CELF2: variants seen among roughly 807,000 people sequenced by gnomAD.
CELF2 encodes CUGBP Elav-like family member 2.
CELF2 carries 8 observed loss-of-function variants against 62.6 expected under a neutral mutation model. The ratio of observed to expected loss-of-function variants is 0.13; its 90% CI spans 0.07 to 0.23. CELF2 has a LOEUF of 0.23. CELF2 is among the 10% of genes least tolerant of loss of function. The pLI is 1.00. For synonymous variants in CELF2, 258 were observed against 250.0 expected, an observed-to-expected ratio of 1.03 and a Z score of -0.30; for missense variants, 333 against 671.0, an observed-to-expected ratio of 0.50 and a Z score of 5.56.
At chr10:10,988,632 C>T (rs540643321) in intron 2 of CELF2, among the ~76,000 whole-genome samples, 2 of 151,840 alleles carry the variant, frequency 1.3e-5, no homozygotes, top group African/African-American at 2.4e-5. Flanking sequence ...TCCAAGTAAC[C>T]AAAAACCATC....
At chr10:10,482,615 A>C in the CELF2 span, among the ~76,000 whole-genome samples, 1 of 152,182 alleles carries the variant, frequency 6.6e-6, no homozygotes, top group Non-Finnish European at 1.5e-5. Flanking sequence ...CAGTGTATTG[A>C]TTATGCTTTT....
At chr10:10,575,335 A>G in the CELF2 span, among the ~76,000 whole-genome samples, 970 of 152,284 alleles carry the variant, frequency 6.4e-3, 3 homozygotes, top group Non-Finnish European at 0.01. Context: ...TTTAGGTTAT[A>G]CCTGTTTTCC....
the CELF2 span, among the ~76,000 whole-genome samples, chr10:10,790,492 A>T: frequency 7.0e-3 from 1,068 of 152,316 alleles, 9 homozygotes; most frequent in African/African-American, 0.018. Flanking sequence ...ATAGAGTATA[A>T]TACATGATAC....
the CELF2 span, among the ~76,000 whole-genome samples, chr10:10,477,399 G>C: frequency 7.6e-4 from 116 of 152,246 alleles, no homozygotes; most frequent in African/African-American, 2.6e-3. Flanking sequence ...AAATACAATG[G>C]GTGGGCCTAG....
At chr10:10,882,519 C>T (rs1329817370) in intron 1 of CELF2, among the ~76,000 whole-genome samples, 4 of 152,206 alleles carry the variant, frequency 2.6e-5, no homozygotes, top group African/African-American at 4.8e-5. Context: ...AAAATGTGTC[C>T]TGTCTTTCTC....
chr10:10,653,722 G>T, the CELF2 span, among the ~76,000 whole-genome samples: 19 of 147,940 alleles, frequency 1.3e-4, 1 homozygote, highest in East Asian at 1.7e-3. Flanking sequence ...AAAGCAGTGT[G>T]TAGAGGGAAA....
chr10:11,162,246 G>A (rs544113077), intron 1 of CELF2, among the ~76,000 whole-genome samples: 19 of 152,250 alleles, frequency 1.2e-4, no homozygotes, highest in African/African-American at 4.1e-4. Flanking sequence ...TTTTGGCAGC[G>A]CCAGGAGAGT....
intron 2 of CELF2, among the ~76,000 whole-genome samples, chr10:10,981,432 T>C (rs1186131974): frequency 2.6e-5 from 4 of 152,180 alleles, no homozygotes; most frequent in African/African-American, 9.7e-5. Context: ...AGATTCAAGG[T>C]TGAAGAATCC....
upstream of CELF2, among the ~76,000 whole-genome samples, chr10:11,004,681 G>A (rs1267426400): frequency 2.0e-5 from 3 of 152,078 alleles, no homozygotes; most frequent in African/African-American, 7.2e-5. This position sits in a 1 kb window ranked among gnomAD's most constrained non-coding sequence, Gnocchi z 5.0. Context: ...CCCTCCTCCA[G>A]GTGAATGACG....
the CELF2 span, among the ~76,000 whole-genome samples, chr10:10,712,041 G>A: frequency 7.6e-5 from 11 of 145,612 alleles, no homozygotes; most frequent in Non-Finnish European, 1.6e-4. Context: ...CCTGTTTATA[G>A]AATAGTTTGG....
the CELF2 span, among the ~76,000 whole-genome samples, chr10:10,583,934 T>G: frequency 6.6e-6 from 1 of 152,244 alleles, no homozygotes; most frequent in Middle Eastern, 3.4e-3. Context: ...AGCACTAGGT[T>G]GGAAAGGTGT....
At position 11,321,409 on chromosome 10, in the gene CELF2, G is replaced by C; in HGVS notation, c.1294+23G>C. 1 of 1,595,724 alleles carries C rather than the reference G, an allele frequency of 6.3e-7. No individual in the cohort carries two copies. Among genetic ancestry groups the C allele is most frequent in the Non-Finnish European group, 8.5e-7 (1 of 1,176,090 alleles). On this transcript the variant is annotated intron_variant, in intron 11 of 12. Coordinates refer to ENST00000633077, the MANE Select transcript of CELF2 (RefSeq NM_001326342.2). This position sits in a 1 kb window ranked among gnomAD's most constrained non-coding sequence, Gnocchi z 6.2. ...AAGGTAGGTGCCGCCCTTGGCCCCAGGCAGGGCCCAGCCCAACAGGCAGCA... is the reference window on the plus strand; with the variant it reads ...AAGGTAGGTGCCGCCCTTGGCCCCACGCAGGGCCCAGCCCAACAGGCAGCA...
At chr10:10,908,931 C>T (rs1210918723) in intron 1 of CELF2, among the ~76,000 whole-genome samples, 1 of 152,150 alleles carries the variant, frequency 6.6e-6, no homozygotes, top group African/African-American at 2.4e-5. Flanking sequence ...GAACTACAGG[C>T]ATGTGCCACC....
intron 3 of CELF2, among the ~76,000 whole-genome samples, chr10:11,226,600 C>CCACACACACACACACACA (rs59521803): frequency 3.9e-5 from 1 of 25,892 alleles, no homozygotes; most frequent in Admixed American, 6.2e-4. Context: ...CAGGCAGTGG[C>CCACACACACACACACACA]CACACACACA....
At chr10:10,575,944 T>C in the CELF2 span, among the ~76,000 whole-genome samples, 1 of 152,208 alleles carries the variant, frequency 6.6e-6, no homozygotes, top group South Asian at 2.1e-4. Flanking sequence ...ATCTCTGGAT[T>C]CGGAGGAGTA....
At chr10:10,960,911 G>A (rs1001755645) in intron 2 of CELF2, among the ~76,000 whole-genome samples, 11 of 152,142 alleles carry the variant, frequency 7.2e-5, no homozygotes, top group African/African-American at 2.4e-4. Flanking sequence ...GCCCCTAGAC[G>A]GAAGCTTCTC....
At chr10:10,815,572 CAA>C (rs1007689571) in intron 1 of CELF2, among the ~76,000 whole-genome samples, 2 of 152,174 alleles carry the variant, frequency 1.3e-5, no homozygotes, top group African/African-American at 4.8e-5. Context: ...ATATCTTGGG[CAA>C]AGTCTTTCTA....
chr10:10,945,773 G>T (rs1313459574), intron 2 of CELF2, among the ~76,000 whole-genome samples: 1 of 152,300 alleles, frequency 6.6e-6, no homozygotes, highest in African/African-American at 2.4e-5. Flanking sequence ...GGAGTCAACA[G>T]CGAGGGCCCC....
chr10:10,529,681 CTCAAAA>C, the CELF2 span, among the ~76,000 whole-genome samples: 1 of 48,586 alleles, frequency 2.1e-5, no homozygotes, highest in Non-Finnish European at 3.8e-5. Flanking sequence ...AAGACTCCAT[CTCAAAA>C]AAAAAAAAAA....
Sources: allele counts gnomAD v4.1 joint callset (sites outside exome capture counted in the v4.1 genomes callset), GRCh38; gene constraint gnomAD v4.1.1; non-coding constraint Gnocchi (gnomAD v3.1); transcripts MANE v1.5; gene names NCBI Gene and HGNC (gene_info 2026-07-23, HGNC 2026-07-21).